TBL1X: variants seen among roughly 807,000 people sequenced by gnomAD.
TBL1X encodes the protein transducin beta like 1 X-linked.
TBL1X carries 10 observed loss-of-function variants against 50.7 expected under a neutral mutation model. The observed-to-expected ratio is 0.20, with a 90% CI of 0.12 to 0.33. The LOEUF (loss-of-function observed/expected upper bound fraction) is 0.33, where lower values mean the gene tolerates loss of function less well. Among genes scored for constraint, TBL1X ranks in the 10% least tolerant of loss-of-function variants. TBL1X has a pLI of 1.00. For missense variants in TBL1X, 340 were observed against 504.4 expected, an observed-to-expected ratio of 0.67 and a Z score of 3.12; for synonymous variants, 190 against 214.7, an observed-to-expected ratio of 0.88 and a Z score of 1.01.
intron 2 of TBL1X, among the ~76,000 whole-genome samples, chrX:9,631,493 A>G (rs2082721501): frequency 8.9e-6 from 1 of 112,433 alleles, no homozygotes; most frequent in African/African-American, 3.2e-5. Context: ...CTTATTAGCA[A>G]TAACTCATTG....
chrX:9,719,192 G>T lies in TBL1X; in HGVS notation c.*2946G>T, dbSNP rs1201755007. The T allele has an allele frequency of 2.7e-5, 3 of 112,149 alleles. No homozygotes were observed. The highest frequency in any genetic ancestry group is 5.6e-5 in the Non-Finnish European group (3 of 53,190). 9.2% of individuals were successfully genotyped at this position (112,149 alleles called of 1,213,427 possible). A position where few individuals can be genotyped will look rare whatever the true frequency, so the allele number is the denominator to read the frequency against. On this transcript the variant is annotated 3_prime_UTR_variant, in exon 18 of 18. Transcript: ENST00000645353. ...CGGGTTCACAGTGACCGAGAGTCAG[G>T]TCCAGCACACACCTGGGAAAGGGAT...
At chrX:9,624,883 A>G (rs1197727627) in intron 2 of TBL1X, among the ~76,000 whole-genome samples, 3 of 112,558 alleles carry the variant, frequency 2.7e-5, no homozygotes, top group Non-Finnish European at 5.6e-5. Flanking sequence ...AACATCTGCT[A>G]GAGCTCAATC....
intron 13 of TBL1X, among the ~76,000 whole-genome samples, 186 bp downstream of exon 13, chrX:9,705,300 G>T (rs1452890931): frequency 1.8e-5 from 2 of 112,107 alleles, no homozygotes; most frequent in East Asian, 5.6e-4. Flanking sequence ...TTTGGGGTTG[G>T]CAGTGAGAAC....
chrX:9,634,583 C>T (rs1027891786), intron 2 of TBL1X, among the ~76,000 whole-genome samples: 2 of 110,797 alleles, frequency 1.8e-5, no homozygotes, highest in Non-Finnish European at 3.8e-5. Context: ...AACTCCTGGC[C>T]TCAAGTGATC....
chrX:9,688,167 G>GCAGCAGCGA lies in TBL1X; in HGVS notation c.516_524dup (p.Ala174_Thr176dup), dbSNP rs771393419. The stretch of plus-strand genomic sequence containing the variant: ...GGCGGCGGCGGCGGCTGCGGCCACG[G>GCAGCAGCGA]CAGCAGCGACAGCAGCCACCACGAC... On this transcript the variant is annotated inframe_insertion, in exon 7 of 18. Coordinates refer to ENST00000645353, the MANE Select transcript of TBL1X (RefSeq NM_005647.4). The GCAGCAGCGA allele has an allele frequency of 8.5e-5, 102 of 1,196,355 alleles. No homozygotes were observed. In the African/African-American group the frequency reaches 1.3e-3, roughly 16 times the overall value.
intron 7 of TBL1X, among the ~76,000 whole-genome samples, chrX:9,690,577 C>T (rs1256281575): frequency 2.7e-5 from 3 of 111,912 alleles, no homozygotes; most frequent in African/African-American, 9.8e-5. Flanking sequence ...TTCTGAGGCC[C>T]CTGGAAATTG....
intron 2 of TBL1X, among the ~76,000 whole-genome samples, chrX:9,563,026 G>A (rs984795083): frequency 6.2e-5 from 7 of 112,493 alleles, no homozygotes; most frequent in African/African-American, 1.9e-4. Flanking sequence ...TTTATGGAAT[G>A]AGTGAAACAT....
intron 5 of TBL1X, among the ~76,000 whole-genome samples, chrX:9,664,211 A>C (rs1202251891): frequency 8.9e-6 from 1 of 112,422 alleles, no homozygotes; most frequent in Non-Finnish European, 1.9e-5. Context: ...GTAATTGCAG[A>C]ATTATTTAAT....
chrX:9,619,211 C>G (rs767143128), intron 2 of TBL1X, among the ~76,000 whole-genome samples: 1 of 112,402 alleles, frequency 8.9e-6, no homozygotes, highest in Non-Finnish European at 1.9e-5. Flanking sequence ...CACCACCCCC[C>G]GCAAGTCTGG....
At chrX:9,498,553 G>A (rs2081984301) in intron 1 of TBL1X, among the ~76,000 whole-genome samples, 2 of 112,763 alleles carry the variant, frequency 1.8e-5, no homozygotes, top group Non-Finnish European at 3.8e-5. Flanking sequence ...GCCCTAGAGG[G>A]CTGAGCTGGG....
At chrX:9,598,578 A>C (rs1219682496) in intron 2 of TBL1X, among the ~76,000 whole-genome samples, 2 of 112,124 alleles carry the variant, frequency 1.8e-5, no homozygotes, top group African/African-American at 6.5e-5. Context: ...TTCCATAAAT[A>C]GCTCGTGCTG....
intron 5 of TBL1X, among the ~76,000 whole-genome samples, chrX:9,672,685 G>A (rs982104987): frequency 9.0e-6 from 1 of 111,231 alleles, no homozygotes; most frequent in African/African-American, 3.3e-5. Context: ...CCAAGTCACG[G>A]TGTGTATCCC....
intron 2 of TBL1X, among the ~76,000 whole-genome samples, chrX:9,597,233 A>G (rs182207026): frequency 2.8e-3 from 315 of 111,659 alleles, no homozygotes; most frequent in African/African-American, 8.8e-3. Flanking sequence ...CATCTTACCT[A>G]AGGACAAAAA....
chrX:9,654,561 C>T (rs1337926386), intron 5 of TBL1X, among the ~76,000 whole-genome samples: 3 of 111,417 alleles, frequency 2.7e-5, no homozygotes, highest in African/African-American at 6.5e-5. Flanking sequence ...GAATCAAGAG[C>T]GGTTGTGGTG....
intron 12 of TBL1X, among the ~76,000 whole-genome samples, chrX:9,700,783 C>G (rs773299793): frequency 9.0e-6 from 1 of 111,361 alleles, no homozygotes; most frequent in African/African-American, 3.3e-5. Context: ...CGGCAGGAAG[C>G]CTTAGCTCAG....
intron 6 of TBL1X, among the ~76,000 whole-genome samples, chrX:9,685,702 TTTTTC>T (rs1391741694): frequency 2.0e-5 from 2 of 100,271 alleles, no homozygotes; most frequent in Non-Finnish European, 4.0e-5. Flanking sequence ...TCCTGTTCTC[TTTTTC>T]TTTTCTTTTC....
intron 2 of TBL1X, among the ~76,000 whole-genome samples, chrX:9,628,608 G>A (rs1962614): frequency 0.39 from 41,493 of 105,748 alleles, 7,051 homozygotes; most frequent in Non-Finnish European, 0.51. Context: ...GTGCAATGGC[G>A]TGATCTCAGC....
intron 5 of TBL1X, among the ~76,000 whole-genome samples, chrX:9,665,313 T>G (rs2082920845): frequency 1.9e-5 from 2 of 103,304 alleles, no homozygotes; most frequent in African/African-American, 7.1e-5. Context: ...GTGAGTAAGT[T>G]AGTTAACCCG....
chrX:9,693,128 T>C (rs757355974), intron 9 of TBL1X, 21 bp from the exon 10 acceptor site: 1 of 1,211,377 alleles, frequency 8.3e-7, no homozygotes, highest in Admixed American at 2.2e-5. Flanking sequence ...TTGTGGGGTT[T>C]TGTCTCTTTC....
Sources: gnomAD v4.1 joint callset for allele counts (sites outside exome capture counted in the v4.1 genomes callset) on GRCh38, gnomAD v4.1.1 for gene constraint, MANE v1.5 for transcripts, NCBI Gene and HGNC (gene_info 2026-07-23, HGNC 2026-07-21) for gene names.